WDPCP: variants seen among roughly 807,000 people sequenced by gnomAD.
WDPCP encodes WD repeat containing planar cell polarity effector.
WDPCP carries 71 observed loss-of-function variants against 93.1 expected under a neutral mutation model. That is an observed-to-expected ratio of 0.76 (90% CI 0.63 to 0.93). The LOEUF is 0.93. Among genes scored for constraint, WDPCP ranks in the 40% least tolerant of loss-of-function variants. The pLI is 0.00. For missense variants in WDPCP, 844 were observed against 887.4 expected (o/e 0.95, Z 0.62); for synonymous variants, 315 against 315.0 (o/e 1.00, Z 0.00).
At chr2:63,569,809 T>A (rs958580904) in intron 1 of WDPCP, among the ~76,000 whole-genome samples, 1 of 152,178 alleles carries the variant, frequency 6.6e-6, no homozygotes, top group African/African-American at 2.4e-5. Context: ...CAAGCATATT[T>A]TCAGTTTACT....
chr2:63,294,044 C>G (rs1376850600), intron 13 of WDPCP, among the ~76,000 whole-genome samples: 1 of 152,182 alleles, frequency 6.6e-6, no homozygotes, highest in African/African-American at 2.4e-5. Context: ...CTCAAATAAA[C>G]CCACTGTGAG....
At chr2:63,296,443 T>G (rs1684864343) in intron 13 of WDPCP, among the ~76,000 whole-genome samples, 1 of 152,136 alleles carries the variant, frequency 6.6e-6, no homozygotes, top group Non-Finnish European at 1.5e-5. Flanking sequence ...AAGTCCTAGC[T>G]GCAGCAATCA....
chr2:63,771,370 T>C (rs1670224444), intron 2 of WDPCP, among the ~76,000 whole-genome samples: 1 of 152,018 alleles, frequency 6.6e-6, no homozygotes, highest in Admixed American at 6.6e-5. Context: ...AATTTATATC[T>C]ATTTAAACAT....
At position 63,427,336 on chromosome 2, in the gene WDPCP, C is replaced by A. The variant is rs375089653; in HGVS notation, c.825+6409G>T. On this transcript the variant is annotated intron_variant, in intron 9 of 17. Coordinates refer to ENST00000272321, the MANE Select transcript of WDPCP (RefSeq NM_015910.7). ...ACTGAAAAACTGACAACCTCCTTAG[C>A]CATAAAGCAAGTATCAATAAATTTT... is the stretch of plus-strand genomic sequence containing the variant. Among the ~76,000 whole-genome samples, 35 of 152,198 alleles carry A rather than the reference C, an allele frequency of 2.3e-4. No individual in the cohort carries two copies. The Middle Eastern group carries it at 0.01, about 44-fold the overall frequency.
intron 2 of WDPCP, among the ~76,000 whole-genome samples, chr2:63,668,586 T>G (rs958083410): frequency 6.6e-6 from 1 of 152,244 alleles, no homozygotes; most frequent in East Asian, 1.9e-4. Context: ...TATATATTCA[T>G]GGGCAGGACA....
chr2:63,467,318 A>G (rs1215049510), intron 6 of WDPCP, among the ~76,000 whole-genome samples: 1 of 151,886 alleles, frequency 6.6e-6, no homozygotes, highest in Non-Finnish European at 1.5e-5. Context: ...CATCTCTACT[A>G]AAAATACACA....
chr2:63,673,144 G>A (rs1710366205), intron 2 of WDPCP, among the ~76,000 whole-genome samples: 1 of 152,084 alleles, frequency 6.6e-6, no homozygotes, highest in African/African-American at 2.4e-5. Context: ...AGTGCATAAG[G>A]TACCTAAGTG....
intron 10 of WDPCP, among the ~76,000 whole-genome samples, chr2:63,382,633 A>G (rs1281740376): frequency 6.6e-6 from 1 of 152,160 alleles, no homozygotes; most frequent in Non-Finnish European, 1.5e-5. Flanking sequence ...GTAGTATAAA[A>G]TATTACTGTA....
At chr2:63,542,461 G>A (rs1026457463) in intron 1 of WDPCP, among the ~76,000 whole-genome samples, 6 of 152,162 alleles carry the variant, frequency 3.9e-5, no homozygotes, top group Non-Finnish European at 8.8e-5. Flanking sequence ...AGCCCCCTGG[G>A]TAATGTAGCT....
At chr2:63,814,113 A>C (rs961566756) in intron 1 of WDPCP, among the ~76,000 whole-genome samples, 1 of 152,188 alleles carries the variant, frequency 6.6e-6, no homozygotes, top group African/African-American at 2.4e-5. Context: ...AAGAGTATAG[A>C]TCACTTAACA....
chr2:63,348,122 T>G (rs1689324988), intron 12 of WDPCP, among the ~76,000 whole-genome samples: 1 of 152,156 alleles, frequency 6.6e-6, no homozygotes, highest in African/African-American at 2.4e-5. Context: ...GCTAGTCACT[T>G]TATTATTTAT....
intron 17 of WDPCP, among the ~76,000 whole-genome samples, chr2:63,127,690 TATATAC>T (rs1355562954): frequency 5.8e-4 from 81 of 140,218 alleles, no homozygotes; most frequent in Non-Finnish European, 1.1e-3. Flanking sequence ...TATATATATA[TATATAC>T]GCACACACAC....
At chr2:63,271,075 C>T (rs926517852) in intron 13 of WDPCP, among the ~76,000 whole-genome samples, 11 of 152,200 alleles carry the variant, frequency 7.2e-5, no homozygotes, top group African/African-American at 2.7e-4. Context: ...CCCAGGTTTG[C>T]AGCACTCTAG....
At chr2:63,428,383 C>T (rs1225928248) in intron 9 of WDPCP, among the ~76,000 whole-genome samples, 1 of 152,124 alleles carries the variant, frequency 6.6e-6, no homozygotes, top group Non-Finnish European at 1.5e-5. Context: ...AAAGTTAATT[C>T]ACCACAATCA....
At chr2:63,285,858 G>A (rs181304015) in intron 13 of WDPCP, among the ~76,000 whole-genome samples, 6 of 152,288 alleles carry the variant, frequency 3.9e-5, no homozygotes, top group Non-Finnish European at 4.4e-5. Context: ...AAAGTCAGTG[G>A]ATATAAAGAC....
chr2:63,408,077 G>A (rs895965484), intron 9 of WDPCP, among the ~76,000 whole-genome samples: 2 of 152,172 alleles, frequency 1.3e-5, no homozygotes, highest in Admixed American at 6.5e-5. Context: ...GTAAAAAGTG[G>A]AGGTGGATGG....
intron 2 of WDPCP, among the ~76,000 whole-genome samples, chr2:63,684,059 A>C (rs1366980197): frequency 2.0e-5 from 3 of 152,278 alleles, no homozygotes; most frequent in Admixed American, 2.0e-4. Flanking sequence ...CATTGGACAG[A>C]TCTTCCAGAC....
intron 3 of WDPCP, among the ~76,000 whole-genome samples, chr2:63,644,970 C>T (rs1168612216): frequency 6.6e-6 from 1 of 152,008 alleles, no homozygotes; most frequent in African/African-American, 2.4e-5. Context: ...TTCCATTAAT[C>T]ATTTGTGTTA....
chr2:63,782,760 G>GTGTGTGTGTGTTTGTGTGTT, intron 2 of WDPCP, among the ~76,000 whole-genome samples: 1 of 151,718 alleles, frequency 6.6e-6, no homozygotes, highest in East Asian at 1.9e-4. Flanking sequence ...GTGTGTGTGT[G>GTGTGTGTGTGTTTGTGTGTT]TGTGTGTGTG....
Sources: allele counts gnomAD v4.1 joint callset (sites outside exome capture counted in the v4.1 genomes callset), GRCh38; gene constraint gnomAD v4.1.1; transcripts MANE v1.5; gene names NCBI Gene and HGNC (gene_info 2026-07-23, HGNC 2026-07-21).